Variants in CNTNAP2 observed in about 807,000 individuals in gnomAD.
CNTNAP2 encodes contactin associated protein 2, also known as contactin-associated protein-like 2.
In CNTNAP2, 98 loss-of-function variants were observed where a neutral mutation model predicts 155.2. The ratio of observed to expected loss-of-function variants is 0.63; its 90% CI spans 0.54 to 0.75. CNTNAP2 has a LOEUF of 0.75. Ranked by LOEUF, CNTNAP2 falls within the 30% of genes least tolerant of loss-of-function variation. The pLI is 0.00. For synonymous variants in CNTNAP2, 651 were observed against 631.2 expected, an observed-to-expected ratio of 1.03 and a Z score of -0.47; for missense variants, 1,727 against 1,688.1, an observed-to-expected ratio of 1.02 and a Z score of -0.40.
intron 1 of CNTNAP2, among the ~76,000 whole-genome samples, chr7:146,497,758 C>T (rs115308489): frequency 0.029 from 4,416 of 149,896 alleles, 204 homozygotes; most frequent in African/African-American, 0.1. Flanking sequence ...TCTATGATTA[C>T]TTACTTTTAA....
intron 1 of CNTNAP2, among the ~76,000 whole-genome samples, chr7:146,703,552 C>T (rs2129173799): frequency 6.6e-6 from 1 of 152,210 alleles, no homozygotes; most frequent in Middle Eastern, 3.4e-3. Flanking sequence ...TTATAAACAA[C>T]AAACGTGTTT....
chr7:146,613,677 T>G (rs1366004585), intron 1 of CNTNAP2, among the ~76,000 whole-genome samples: 1 of 152,170 alleles, frequency 6.6e-6, no homozygotes, highest in Admixed American at 6.5e-5. Context: ...GATTCCAGTG[T>G]GAAGTGTATT....
chr7:148,218,120 T>C (rs1450321873), intron 19 of CNTNAP2, among the ~76,000 whole-genome samples: 1 of 152,228 alleles, frequency 6.6e-6, no homozygotes, highest in Non-Finnish European at 1.5e-5. Context: ...AGTGAGACCC[T>C]GTCTCAAAAG....
chr7:147,639,330 T>G (rs369269246), intron 13 of CNTNAP2, 24 bp downstream of exon 13: 2 of 1,605,754 alleles, frequency 1.2e-6, no homozygotes, highest in Non-Finnish European at 1.7e-6. Flanking sequence ...GGAATGTTAC[T>G]TTTAATCACT....
At chr7:147,634,202 C>T (rs1032559366) in intron 12 of CNTNAP2, among the ~76,000 whole-genome samples, 7 of 152,130 alleles carry the variant, frequency 4.6e-5, no homozygotes, top group Admixed American at 3.9e-4. Context: ...ATGGAACCAG[C>T]CTAAAAGTCC....
chr7:147,531,312 C>T (rs1168408420), intron 11 of CNTNAP2, among the ~76,000 whole-genome samples: 3 of 152,250 alleles, frequency 2.0e-5, no homozygotes, highest in Non-Finnish European at 2.9e-5. Context: ...TCCAACCCCA[C>T]ATTTCCCTTC....
At chr7:147,025,008 G>C (rs796617303) in intron 3 of CNTNAP2, among the ~76,000 whole-genome samples, 16 of 151,976 alleles carry the variant, frequency 1.1e-4, no homozygotes, top group African/African-American at 3.9e-4. Flanking sequence ...ATGTGGCTGG[G>C]CGCCGTGGCT....
chr7:148,360,465 C>T (rs1798597426), intron 21 of CNTNAP2, among the ~76,000 whole-genome samples: 1 of 152,182 alleles, frequency 6.6e-6, no homozygotes, highest in South Asian at 2.1e-4. Flanking sequence ...GAAATGGAGA[C>T]GGAATTGGAA....
intron 1 of CNTNAP2, among the ~76,000 whole-genome samples, chr7:146,133,527 T>C (rs1322714899): frequency 1.3e-5 from 2 of 152,186 alleles, no homozygotes; most frequent in Non-Finnish European, 2.9e-5. Flanking sequence ...GGTTTTCTTC[T>C]AGGGTTTTTA....
chr7:147,009,674 C>T (rs1798589641), intron 3 of CNTNAP2, among the ~76,000 whole-genome samples: 1 of 152,058 alleles, frequency 6.6e-6, no homozygotes. Context: ...AATAGCTTAA[C>T]TCAACATCTA....
intron 21 of CNTNAP2, among the ~76,000 whole-genome samples, chr7:148,355,980 C>G (rs568243244): frequency 2.6e-5 from 4 of 152,296 alleles, no homozygotes; most frequent in African/African-American, 4.8e-5. Flanking sequence ...CAGAACTAAG[C>G]CCTGGCTTCC....
intron 4 of CNTNAP2, among the ~76,000 whole-genome samples, chr7:147,055,106 G>A (rs1442781723): frequency 6.6e-6 from 1 of 152,068 alleles, no homozygotes; most frequent in Non-Finnish European, 1.5e-5. Context: ...GTAAACATCT[G>A]AATACTCTAC....
rs57881187 is a variant in CNTNAP2, at chr7:146,207,637, G to GTTT, written c.97+90684_97+90686dup. 2.6e-3 allele frequency among the ~76,000 whole-genome samples: 323 copies of GTTT among 122,298 alleles called. 4 individuals are homozygous for GTTT. The South Asian group carries it at 0.034, about 13-fold the overall frequency. The allele number at this position is 122,298 out of a possible 152,430, so 80.2% of individuals were successfully genotyped here. ...CTTTCTTCAAACAGAACAGGACTGT[G>GTTT]TTTTTTTTTTTTTTTTTTTTTTAAC... is the stretch of plus-strand genomic sequence containing the variant. On this transcript the variant is annotated intron_variant, in intron 1 of 23. Transcript: ENST00000361727.
chr7:146,656,271 A>C (rs1258676615), intron 1 of CNTNAP2, among the ~76,000 whole-genome samples: 1 of 152,200 alleles, frequency 6.6e-6, no homozygotes, highest in Non-Finnish European at 1.5e-5. Flanking sequence ...CATTCCAAAC[A>C]ATTTCACCTG....
intron 1 of CNTNAP2, among the ~76,000 whole-genome samples, chr7:146,135,781 T>G (rs531909274): frequency 7.2e-5 from 11 of 152,222 alleles, no homozygotes; most frequent in Admixed American, 3.9e-4. Context: ...ACCTATGTAA[T>G]TGATAATATA....
chr7:147,658,039 G>A, intron 13 of CNTNAP2, among the ~76,000 whole-genome samples: 1 of 118,744 alleles, frequency 8.4e-6, no homozygotes, highest in Non-Finnish European at 1.9e-5. Context: ...GGCGGATCAC[G>A]AGGTCAGGAG....
intron 21 of CNTNAP2, among the ~76,000 whole-genome samples, chr7:148,334,826 T>G (rs1798089976): frequency 6.6e-6 from 1 of 152,132 alleles, no homozygotes; most frequent in African/African-American, 2.4e-5. Flanking sequence ...GGGGAGACTT[T>G]GGGAGAGTGG....
intron 9 of CNTNAP2, among the ~76,000 whole-genome samples, chr7:147,349,517 C>T (rs1245030273): frequency 2.0e-5 from 3 of 151,668 alleles, no homozygotes; most frequent in Non-Finnish European, 4.4e-5. Context: ...CACTTGGATT[C>T]CATAATAACC....
intron 15 of CNTNAP2, among the ~76,000 whole-genome samples, chr7:148,101,856 T>C (rs1397004728): frequency 6.6e-6 from 1 of 152,210 alleles, no homozygotes. Flanking sequence ...TGCTTTTTGT[T>C]ATCATTTAAA....
Sources: gnomAD v4.1 joint callset for allele counts (sites outside exome capture counted in the v4.1 genomes callset) on GRCh38, gnomAD v4.1.1 for gene constraint, MANE v1.5 for transcripts, NCBI Gene and HGNC (gene_info 2026-07-23, HGNC 2026-07-21) for gene names.